SF3B2: variants seen among roughly 807,000 people sequenced by gnomAD.
SF3B2 encodes the protein splicing factor 3b subunit 2, also known as SAP 145.
In SF3B2, 22 loss-of-function variants were observed where a neutral mutation model predicts 116.3. That is an observed-to-expected ratio of 0.19 (90% CI 0.14 to 0.27). The LOEUF is 0.27. SF3B2 is among the 10% of genes least tolerant of loss of function. The pLI is 1.00. For missense variants in SF3B2, 767 were observed against 1,151.4 expected, an observed-to-expected ratio of 0.67 and a Z score of 4.83; for synonymous variants, 406 against 421.6, an observed-to-expected ratio of 0.96 and a Z score of 0.45.
At chr11:66,067,214 G>A (rs1167312348) in intron 19 of SF3B2, 1 of 312,924 alleles carries the variant, frequency 3.2e-6, no homozygotes, top group Non-Finnish European at 6.4e-6. Context: ...ATAAAGAAGG[G>A]TACTGTGGAC....
At chr11:66,062,474 T>C (rs1023690297) in intron 16 of SF3B2, among the ~76,000 whole-genome samples, 2 of 149,872 alleles carry the variant, frequency 1.3e-5, no homozygotes, top group Non-Finnish European at 3.0e-5. Flanking sequence ...GCACCTCTAC[T>C]TTAAAAAAAA....
At chr11:66,057,500 G>A (rs1409837568) in intron 7 of SF3B2, 125 bp downstream of exon 7, 8 of 641,772 alleles carry the variant, frequency 1.2e-5, no homozygotes, top group Non-Finnish European at 2.3e-5. Context: ...GTAGTGGGGA[G>A]CCCTTCTTAT....
rs761859619 is a variant in SF3B2 at position 66,053,036 on chromosome 11, G to A, written c.190G>A (p.Val64Met). 6.2e-6 allele frequency: 10 copies of A among 1,613,992 alleles called. No homozygotes were observed. The highest frequency in any genetic ancestry group is 2.7e-5 in the African/African-American group (2 of 74,894). Residue 64 changes from valine (V) to methionine (M), a missense_variant, in exon 3 of 22, where the codon GTG becomes ATG. Val to Met is a conservative substitution (Grantham distance 21, BLOSUM62 1). This residue lies in a region of SF3B2 where 455 missense variants were observed against 537.5 expected (regional missense o/e 0.85). Coordinates refer to ENST00000322535, the MANE Select transcript of SF3B2 (RefSeq NM_006842.3). ...LQSYTRQTGI[V>M]LNRPVLRGED... ...CCTTTCTCTTTTGCAGACTGGCATC[G>A]TGCTGAATCGGCCGGTTTTGAGAGG...
Position 66,058,341 on chromosome 11 carries a change from G to T in SF3B2, c.902G>T (p.Arg301Leu). 1 of 1,613,988 alleles carries T rather than the reference G, an allele frequency of 6.2e-7. No individual in the cohort carries two copies. The highest frequency in any genetic ancestry group is 8.5e-7 in the Non-Finnish European group (1 of 1,179,994). Residue 301 changes from arginine to leucine, a missense_variant, in exon 9 of 22, where the codon CGC becomes CTC. Physicochemically the swap from Arg to Leu is moderately radical, Grantham distance 102. This residue lies in a region of SF3B2 where 455 missense variants were observed against 537.5 expected (regional missense o/e 0.85). Transcript: ENST00000322535. ...GAAGAGGAAATGGAAACAGATGCTCGCTCGTCCCTGGGCCAGTCAGCGTCA... is the reference window on the plus strand; with the variant it reads ...GAAGAGGAAATGGAAACAGATGCTCTCTCGTCCCTGGGCCAGTCAGCGTCA... Reference protein sequence around the residue: ...QEEEEMETDARSSLGQSASET... With the variant: ...QEEEEMETDALSSLGQSASET...
intron 2 of SF3B2, 107 bp from the exon 3 acceptor site, chr11:66,052,920 C>A: frequency 7.8e-7 from 1 of 1,289,496 alleles, no homozygotes; most frequent in Non-Finnish European, 1.1e-6. Flanking sequence ...CCAGCCAGAG[C>A]GCTGGCAGAC....
At chr11:66,061,602 G>A (rs1160337266) in intron 14 of SF3B2, 84 bp from the exon 15 acceptor site, 1 of 1,047,158 alleles carries the variant, frequency 9.5e-7, no homozygotes, top group Non-Finnish European at 1.5e-6. Context: ...GCCCTCACTG[G>A]GATTTTATAT....
At chr11:66,068,356 G>T (rs1368570618) in intron 21 of SF3B2, 23 bp downstream of exon 21, 4 of 1,564,324 alleles carry the variant, frequency 2.6e-6, no homozygotes, top group Middle Eastern at 2.0e-4. Context: ...AGGGGCGCTG[G>T]GCTGGGTGAG....
Position 66,068,659 on chromosome 11 carries a change from T to C in SF3B2, c.2617-15T>C, listed in dbSNP as rs769659881. ...TTCAACCTGTCTTAACCTGTGTCTC[T>C]TTCTCCCTATACAGCAAAAAAAACG... is the stretch of plus-strand genomic sequence containing the variant. On this transcript the variant is annotated splice_polypyrimidine_tract_variant and intron_variant, in intron 21 of 21. Coordinates refer to ENST00000322535, the MANE Select transcript of SF3B2 (RefSeq NM_006842.3). 1.9e-6 allele frequency: 3 copies of C among 1,613,652 alleles called. No individual in the cohort carries two copies. The South Asian group carries it at 3.3e-5, about 18-fold the overall frequency.
rs1857242604 is a variant in SF3B2, at chr11:66,068,980, A to T, written c.*235A>T. 2.0e-6 allele frequency: 1 copy of T among 494,320 alleles called. No individual in the cohort carries two copies. The highest frequency in any genetic ancestry group is 3.3e-5 in the East Asian group (1 of 29,998). 30.6% of individuals were successfully genotyped at this position (494,320 alleles called of 1,614,324 possible). ...ACTAAAATAGTCTCTTTCTACAATCACTGGGCTGCCCCAGTAACCACGAAC... is the reference window on the plus strand; with the variant it reads ...ACTAAAATAGTCTCTTTCTACAATCTCTGGGCTGCCCCAGTAACCACGAAC... On this transcript the variant is annotated 3_prime_UTR_variant, in exon 22 of 22. Coordinates refer to ENST00000322535, the MANE Select transcript of SF3B2 (RefSeq NM_006842.3).
At chr11:66,057,972 CAAA>C (rs60074596) in intron 7 of SF3B2, 79 bp from the exon 8 acceptor site, 305 of 808,738 alleles carry the variant, frequency 3.8e-4, no homozygotes, top group East Asian at 7.9e-4. Flanking sequence ...AACTCCGTCT[CAAA>C]AAAAAAAAAA....
intron 9 of SF3B2, 147 bp downstream of exon 9, chr11:66,058,552 T>A (rs1180980494): frequency 1.5e-6 from 1 of 666,510 alleles, no homozygotes; most frequent in Non-Finnish European, 2.6e-6. Flanking sequence ...TTTCATTTAA[T>A]TGCTTTGAGT....
chr11:66,053,167 G>T, intron 3 of SF3B2, 63 bp downstream of exon 3: 1 of 1,461,486 alleles, frequency 6.8e-7, no homozygotes, highest in Non-Finnish European at 9.6e-7. Flanking sequence ...TCATGAGCAT[G>T]ATGATTGGGT....
intron 2 of SF3B2, 72 bp downstream of exon 2, chr11:66,052,791 C>T: frequency 6.8e-7 from 1 of 1,477,946 alleles, no homozygotes; most frequent in Middle Eastern, 1.8e-4. Context: ...CATCACGGCT[C>T]GGTCTTCATT....
chr11:66,053,594 C>T (rs1216507202), intron 3 of SF3B2: 1 of 164,016 alleles, frequency 6.1e-6, no homozygotes, highest in South Asian at 1.4e-4. Flanking sequence ...ATTGCTGGAG[C>T]CCTGGGGTTG....
chr11:66,057,261 C>A lies in SF3B2; in HGVS notation c.668-5C>A. 6.4e-7 allele frequency: 1 copy of A among 1,560,588 alleles called. No homozygotes were observed. Among genetic ancestry groups the A allele is most frequent in the Non-Finnish European group, 8.8e-7 (1 of 1,131,054 alleles). On this transcript the variant is annotated splice_polypyrimidine_tract_variant and splice_region_variant and intron_variant, in intron 6 of 21. Coordinates refer to ENST00000322535, the MANE Select transcript of SF3B2 (RefSeq NM_006842.3). Reference sequence around the variant, plus strand: ...GACATTGGATTTCTTTTTCCCGTCTCTTAGTAGCTGCTCCAGTGGGCCCAG... The same window carrying A: ...GACATTGGATTTCTTTTTCCCGTCTATTAGTAGCTGCTCCAGTGGGCCCAG...
intron 3 of SF3B2, among the ~76,000 whole-genome samples, 188 bp from the exon 4 acceptor site, chr11:66,054,888 C>T (rs1856964339): frequency 6.6e-6 from 1 of 152,152 alleles, no homozygotes; most frequent in Non-Finnish European, 1.5e-5. Context: ...GGATAGCTTC[C>T]TTTGGTTGGT....
At chr11:66,067,736 T>A (rs1364153798) in intron 19 of SF3B2, 6 of 558,388 alleles carry the variant, frequency 1.1e-5, no homozygotes, top group South Asian at 9.9e-5. Flanking sequence ...GGGGGCCCCT[T>A]AGCTCCATCT....
chr11:66,068,410 C>G (rs941394555), intron 21 of SF3B2, 77 bp downstream of exon 21: 79 of 1,424,884 alleles, frequency 5.5e-5, no homozygotes, highest in East Asian at 2.6e-4. Context: ...ATGGTGCCCT[C>G]TAGTGGTGAG....
At chr11:66,067,850 G>A (rs1309214636) in intron 19 of SF3B2, 96 bp from the exon 20 acceptor site, 3 of 914,124 alleles carry the variant, frequency 3.3e-6, no homozygotes, top group Non-Finnish European at 5.2e-6. Flanking sequence ...AGCTCTCCAA[G>A]GCGCTGAGTG....
Sources: gnomAD v4.1 joint callset for allele counts (sites outside exome capture counted in the v4.1 genomes callset) on GRCh38, gnomAD v4.1.1 for gene constraint, gnomAD v4.1.1 regional missense constraint, MANE v1.5 for transcripts, NCBI Gene and HGNC (gene_info 2026-07-23, HGNC 2026-07-21) for gene names.